ST8SIA1: variants seen among roughly 807,000 people sequenced by gnomAD.
The protein encoded by ST8SIA1 is alpha-N-acetylneuraminide alpha-2,8-sialyltransferase.
In ST8SIA1, 16 loss-of-function variants were observed where a neutral mutation model predicts 35.9. The ratio of observed to expected loss-of-function variants is 0.45; its 90% CI spans 0.30 to 0.68. ST8SIA1 has a LOEUF of 0.68. ST8SIA1 is among the 30% of genes least tolerant of loss of function. The probability of loss-of-function intolerance (pLI) is 0.09; values close to 1 mark genes in which losing one functional copy is unlikely to be tolerated. For missense variants in ST8SIA1, 383 were observed against 453.6 expected, an observed-to-expected ratio of 0.84 and a Z score of 1.41; for synonymous variants, 170 against 169.6, an observed-to-expected ratio of 1.00 and a Z score of -0.02.
chr12:22,316,276 C>T (rs946874893), intron 1 of ST8SIA1, among the ~76,000 whole-genome samples: 1 of 152,020 alleles, frequency 6.6e-6, no homozygotes, highest in Admixed American at 6.5e-5. Context: ...TACTATAAAG[C>T]TATGGTATGG....
chr12:22,285,289 T>A (rs910632013), intron 2 of ST8SIA1, among the ~76,000 whole-genome samples: 1 of 152,242 alleles, frequency 6.6e-6, no homozygotes, highest in Non-Finnish European at 1.5e-5. Context: ...CAATGCCAAG[T>A]TGGGGCTTCC....
chr12:22,208,423 T>C (rs926216710), intron 4 of ST8SIA1, among the ~76,000 whole-genome samples: 1 of 152,102 alleles, frequency 6.6e-6, no homozygotes, highest in Non-Finnish European at 1.5e-5. Flanking sequence ...AGGAATCATA[T>C]ATTAAAATAA....
At chr12:22,282,530 G>C (rs1866049819) in intron 2 of ST8SIA1, among the ~76,000 whole-genome samples, 1 of 152,052 alleles carries the variant, frequency 6.6e-6, no homozygotes, top group South Asian at 2.1e-4. Context: ...CTTTTTGCTG[G>C]GATCCTGAAC....
Position 22,195,944 on chromosome 12 carries a change from A to C in ST8SIA1, c.*5608T>G, listed in dbSNP as rs1378781669. On this transcript the variant is annotated 3_prime_UTR_variant, in exon 5 of 5. Transcript: ENST00000396037. ...ATTTTAAAAATAAACATCAAAAGAAAGTTTAATTACATAGAAGCAGAAAGA... is the reference window on the plus strand; with the variant it reads ...ATTTTAAAAATAAACATCAAAAGAACGTTTAATTACATAGAAGCAGAAAGA... 2 of 151,414 alleles carry C rather than the reference A, an allele frequency of 1.3e-5. No individual in the cohort carries two copies. The highest frequency in any genetic ancestry group is 3.0e-5 in the Non-Finnish European group (2 of 67,550). The allele number at this position is 151,414 out of a possible 1,614,324, so 9.4% of individuals were successfully genotyped here.
intron 2 of ST8SIA1, among the ~76,000 whole-genome samples, chr12:22,258,807 C>T (rs1034879520): frequency 6.6e-6 from 1 of 152,338 alleles, no homozygotes; most frequent in African/African-American, 2.4e-5. Context: ...GCCTATTAGG[C>T]TGGCAATTCC....
intron 4 of ST8SIA1, chr12:22,223,622 T>G: frequency 8.8e-7 from 1 of 1,133,536 alleles, no homozygotes; most frequent in East Asian, 9.0e-5. Flanking sequence ...GCAGCTGAAG[T>G]TGTGGCTTCT....
At chr12:22,267,102 T>G (rs115925757) in intron 2 of ST8SIA1, among the ~76,000 whole-genome samples, 1 of 152,200 alleles carries the variant, frequency 6.6e-6, no homozygotes, top group Non-Finnish European at 1.5e-5. Context: ...ACTAACCATA[T>G]ACCAGTCACT....
At chr12:22,320,260 A>G (rs935234639) in intron 1 of ST8SIA1, among the ~76,000 whole-genome samples, 3 of 152,220 alleles carry the variant, frequency 2.0e-5, no homozygotes, top group African/African-American at 7.2e-5. Flanking sequence ...GAATAAGTAT[A>G]ACAAAGTGTG....
At chr12:22,264,632 GA>G (rs568507278) in intron 2 of ST8SIA1, among the ~76,000 whole-genome samples, 6 of 148,102 alleles carry the variant, frequency 4.1e-5, no homozygotes, top group Middle Eastern at 3.4e-3. Flanking sequence ...TTATTTCAGA[GA>G]AAAAAAACTT....
At chr12:22,213,602 G>C (rs1865199475) in intron 4 of ST8SIA1, among the ~76,000 whole-genome samples, 1 of 152,190 alleles carries the variant, frequency 6.6e-6, no homozygotes, top group South Asian at 2.1e-4. Context: ...AGGGCATGTG[G>C]TAAGAGCAGG....
intron 1 of ST8SIA1, among the ~76,000 whole-genome samples, chr12:22,321,540 AG>A (rs1866601670): frequency 6.6e-6 from 1 of 152,198 alleles, no homozygotes; most frequent in Non-Finnish European, 1.5e-5. Context: ...GAGCAGGCGG[AG>A]GTGGTAGACG....
chr12:22,327,275 T>G (rs1866693989), intron 1 of ST8SIA1, among the ~76,000 whole-genome samples: 1 of 152,192 alleles, frequency 6.6e-6, no homozygotes, highest in Non-Finnish European at 1.5e-5. Flanking sequence ...CTCCTGAAAC[T>G]CCAGGAAGTT....
In ST8SIA1 at chr12:22,196,742, T is replaced by A. The variant is rs1342950033; in HGVS notation, c.*4810A>T. ...TTAGAATCACTGGCAGGGCTATAAC[T>A]AGGTCGGGGTGATCAGACTCTGCCA... On this transcript the variant is annotated 3_prime_UTR_variant, in exon 5 of 5. Coordinates refer to ENST00000396037, the MANE Select transcript of ST8SIA1 (RefSeq NM_003034.4). 1 of 152,224 alleles carries A rather than the reference T, an allele frequency of 6.6e-6. No individual in the cohort carries two copies. The allele number at this position is 152,224 out of a possible 1,614,324, so 9.4% of individuals were successfully genotyped here.
rs561566411 is a variant in ST8SIA1 at position 22,206,923 on chromosome 12, T to C, written c.585-4885A>G. ...GGCTACCACATCTGGGCTAGGATGA[T>C]ATAAAAAGAAAAGGCATTTAGGTAA... is the stretch of plus-strand genomic sequence containing the variant. On this transcript the variant is annotated intron_variant, in intron 4 of 4. Transcript: ENST00000396037. Among the ~76,000 whole-genome samples the C allele has an allele frequency of 2.6e-4, 39 of 152,310 alleles. 3 individuals carry two copies. The South Asian group carries it at 6.8e-3, about 27-fold the overall frequency.
intron 1 of ST8SIA1, among the ~76,000 whole-genome samples, chr12:22,313,411 G>C (rs902112749): frequency 6.6e-6 from 1 of 152,046 alleles, no homozygotes; most frequent in South Asian, 2.1e-4. Flanking sequence ...GAAGGAAATA[G>C]GAAAGGAACA....
intron 2 of ST8SIA1, among the ~76,000 whole-genome samples, chr12:22,257,300 C>T (rs1289067817): frequency 6.6e-6 from 1 of 151,926 alleles, no homozygotes; most frequent in Non-Finnish European, 1.5e-5. Context: ...CAACTCCCAC[C>T]TCCGGGATTC....
chr12:22,287,595 T>G (rs1866117385), intron 1 of ST8SIA1, among the ~76,000 whole-genome samples: 1 of 152,030 alleles, frequency 6.6e-6, no homozygotes, highest in Admixed American at 6.5e-5. Flanking sequence ...CAGTTGCAGA[T>G]GTACTGATTG....
At chr12:22,213,989 T>G (rs1223190119) in intron 4 of ST8SIA1, among the ~76,000 whole-genome samples, 1 of 152,182 alleles carries the variant, frequency 6.6e-6, no homozygotes, top group African/African-American at 2.4e-5. Context: ...TGGCTTGGAT[T>G]TCTGGCGACT....
intron 4 of ST8SIA1, among the ~76,000 whole-genome samples, chr12:22,206,106 G>A (rs1158383721): frequency 6.6e-6 from 1 of 151,998 alleles, no homozygotes; most frequent in Non-Finnish European, 1.5e-5. Flanking sequence ...AGAATAGAAA[G>A]GAACACAATA....
Sources: allele counts gnomAD v4.1 joint callset (sites outside exome capture counted in the v4.1 genomes callset), GRCh38; gene constraint gnomAD v4.1.1; transcripts MANE v1.5; gene names NCBI Gene and HGNC (gene_info 2026-07-23, HGNC 2026-07-21).